GPC6: variants seen among roughly 807,000 people sequenced by gnomAD.
The protein encoded by GPC6 is glypican 6.
GPC6 carries 14 observed loss-of-function variants against 55.2 expected under a neutral mutation model. The observed-to-expected ratio is 0.25, with a 90% CI of 0.17 to 0.40. The LOEUF is 0.40. Ranked by LOEUF, GPC6 falls within the 10% of genes least tolerant of loss-of-function variation. The pLI, the probability that GPC6 is intolerant of heterozygous loss-of-function variation, is 1.00. For missense variants in GPC6, 641 were observed against 708.5 expected (o/e 0.90, Z 1.08); for synonymous variants, 278 against 259.6 (o/e 1.07, Z -0.68).
intron 2 of GPC6, among the ~76,000 whole-genome samples, chr13:93,803,307 G>C (rs1386781766): frequency 6.6e-6 from 1 of 152,060 alleles, no homozygotes; most frequent in African/African-American, 2.4e-5. Context: ...GACATTTCTT[G>C]AAAGAAGATA....
intron 4 of GPC6, among the ~76,000 whole-genome samples, chr13:94,126,502 C>T (rs995272564): frequency 9.2e-5 from 14 of 152,270 alleles, no homozygotes; most frequent in Non-Finnish European, 1.5e-4. Flanking sequence ...CTTTTAGTGA[C>T]TTTCTACCAG....
At chr13:94,265,619 T>C (rs1891778593) in intron 4 of GPC6, among the ~76,000 whole-genome samples, 1 of 152,052 alleles carries the variant, frequency 6.6e-6, no homozygotes, top group Non-Finnish European at 1.5e-5. Context: ...GTATTAACCA[T>C]CACAGGGAGA....
At chr13:93,518,634 G>A (rs570218467) in intron 1 of GPC6, among the ~76,000 whole-genome samples, 1 of 152,036 alleles carries the variant, frequency 6.6e-6, no homozygotes, top group South Asian at 2.1e-4. Flanking sequence ...GCCAGCAGAG[G>A]GAAGATAACA....
intron 1 of GPC6, among the ~76,000 whole-genome samples, chr13:93,404,394 G>C (rs904055166): frequency 6.6e-6 from 1 of 152,166 alleles, no homozygotes; most frequent in Non-Finnish European, 1.5e-5. Context: ...ACTCATGGCA[G>C]TGGTTGCCAT....
chr13:94,208,287 T>G (rs1889964279), intron 4 of GPC6, among the ~76,000 whole-genome samples: 1 of 152,160 alleles, frequency 6.6e-6, no homozygotes, highest in South Asian at 2.1e-4. Context: ...CTCAGGTTCT[T>G]CATGTCTGAA....
At chr13:93,899,044 A>G (rs896159035) in intron 3 of GPC6, among the ~76,000 whole-genome samples, 3 of 150,942 alleles carry the variant, frequency 2.0e-5, no homozygotes, top group Non-Finnish European at 4.4e-5. Context: ...TAGTTTATCA[A>G]CACCAGTGTT....
chr13:94,235,396 G>A (rs944795056), intron 4 of GPC6, among the ~76,000 whole-genome samples: 1 of 152,074 alleles, frequency 6.6e-6, no homozygotes, highest in Non-Finnish European at 1.5e-5. Flanking sequence ...ACTTTGATTT[G>A]TTGCTAAATG....
chr13:94,250,261 C>T (rs952077977), intron 4 of GPC6, among the ~76,000 whole-genome samples: 9 of 152,118 alleles, frequency 5.9e-5, no homozygotes, highest in Non-Finnish European at 1.3e-4. Flanking sequence ...ACAAATCACA[C>T]CAGGAGTCCA....
intron 1 of GPC6, among the ~76,000 whole-genome samples, chr13:93,543,132 C>G (rs1882394938): frequency 6.6e-6 from 1 of 152,050 alleles, no homozygotes; most frequent in Admixed American, 6.6e-5. Context: ...CCAGTTTTAG[C>G]CCATTCCATA....
At chr13:93,811,130 G>A (rs924375015) in intron 2 of GPC6, among the ~76,000 whole-genome samples, 2 of 152,106 alleles carry the variant, frequency 1.3e-5, no homozygotes, top group African/African-American at 4.8e-5. Flanking sequence ...AGGAAACTGG[G>A]GAAAGGACAG....
At chr13:94,391,400 C>T (rs779425872) in intron 7 of GPC6, among the ~76,000 whole-genome samples, 1 of 152,140 alleles carries the variant, frequency 6.6e-6, no homozygotes, top group Non-Finnish European at 1.5e-5. Context: ...GTGACCCAGT[C>T]ATACATAGCC....
chr13:94,089,099 C>A (rs1428831819), intron 4 of GPC6, among the ~76,000 whole-genome samples: 1 of 152,082 alleles, frequency 6.6e-6, no homozygotes, highest in Non-Finnish European at 1.5e-5. Flanking sequence ...CTGAGAAATT[C>A]CTCCAATTCA....
intron 4 of GPC6, among the ~76,000 whole-genome samples, chr13:94,204,249 T>A (rs1200282852): frequency 6.6e-6 from 1 of 152,172 alleles, no homozygotes; most frequent in African/African-American, 2.4e-5. Context: ...AAAGGGTAGC[T>A]ACTCAGTTTA....
At chr13:94,048,925 C>T (rs1883834176) in intron 4 of GPC6, among the ~76,000 whole-genome samples, 1 of 151,966 alleles carries the variant, frequency 6.6e-6, no homozygotes, top group South Asian at 2.1e-4. Flanking sequence ...GTTCTCTGCT[C>T]CCCTTCGGCC....
chr13:93,433,279 G>T (rs1468284788), intron 1 of GPC6, among the ~76,000 whole-genome samples: 4 of 152,296 alleles, frequency 2.6e-5, no homozygotes, highest in African/African-American at 7.2e-5. Context: ...AATTACCCCT[G>T]CTGGTGGCCC....
At chr13:93,703,295 C>T (rs1277082916) in intron 2 of GPC6, among the ~76,000 whole-genome samples, 2 of 151,674 alleles carry the variant, frequency 1.3e-5, no homozygotes, top group African/African-American at 4.8e-5. Flanking sequence ...TTTATATGTA[C>T]GAGGCTAGTA....
chr13:94,093,975 A>G (rs551264493), intron 4 of GPC6, among the ~76,000 whole-genome samples: 3 of 152,292 alleles, frequency 2.0e-5, no homozygotes, highest in Admixed American at 1.3e-4. Flanking sequence ...TGAAAATGCA[A>G]TATTTCAATT....
intron 3 of GPC6, among the ~76,000 whole-genome samples, chr13:93,940,797 C>T (rs1878699103): frequency 1.3e-5 from 2 of 152,058 alleles, no homozygotes; most frequent in African/African-American, 2.4e-5. Context: ...ATCTCATCGA[C>T]ATACATTAAA....
intron 4 of GPC6, among the ~76,000 whole-genome samples, chr13:94,215,943 A>G (rs551402395): frequency 6.6e-6 from 1 of 152,260 alleles, no homozygotes; most frequent in Non-Finnish European, 1.5e-5. Flanking sequence ...AAGTGTTATC[A>G]CCTTACCACA....
Sources: gnomAD v4.1 joint callset for allele counts (sites outside exome capture counted in the v4.1 genomes callset) on GRCh38, gnomAD v4.1.1 for gene constraint, MANE v1.5 for transcripts, NCBI Gene and HGNC (gene_info 2026-07-23, HGNC 2026-07-21) for gene names.